Variants in PITPNM3 observed in about 807,000 individuals in gnomAD.
PITPNM3 encodes the protein membrane-associated phosphatidylinositol transfer protein 3.
In PITPNM3, 26 loss-of-function variants were observed where a neutral mutation model predicts 102.0. The observed-to-expected ratio is 0.25, with a 90% CI of 0.19 to 0.35. The LOEUF (loss-of-function observed/expected upper bound fraction) is 0.35, where lower values mean the gene tolerates loss of function less well. PITPNM3 is among the 10% of genes least tolerant of loss of function. The pLI, the probability that PITPNM3 is intolerant of heterozygous loss-of-function variation, is 1.00. For missense variants in PITPNM3, 1,083 were observed against 1,346.1 expected (o/e 0.80, Z 3.06); for synonymous variants, 578 against 558.6 (o/e 1.03, Z -0.49).
chr17:6,539,922 C>T (rs1317816054), intron 1 of PITPNM3, among the ~76,000 whole-genome samples: 5 of 152,288 alleles, frequency 3.3e-5, no homozygotes, highest in Admixed American at 6.5e-5. Flanking sequence ...TAAGTAGCAA[C>T]AAAGTCAGCT....
At chr17:6,547,123 C>T (rs561218513) in intron 1 of PITPNM3, among the ~76,000 whole-genome samples, 3 of 152,248 alleles carry the variant, frequency 2.0e-5, no homozygotes, top group South Asian at 2.1e-4. Flanking sequence ...AAAGGACTCA[C>T]GATTCTTGTT....
In PITPNM3 at chr17:6,495,482, G is replaced by A. The variant is rs1011772836; in HGVS notation, c.274+8045C>T. Among the ~76,000 whole-genome samples, 5 of 152,094 alleles carry A rather than the reference G, an allele frequency of 3.3e-5. No individual in the cohort carries two copies. The East Asian group carries it at 5.8e-4, about 18-fold the overall frequency. ...GGGTGGAGGAGAGAGTCTTCTATAC[G>A]GGTCCCTTCGCAACTCCAGGAAGAT... On this transcript the variant is annotated intron_variant, in intron 4 of 19. Transcript: ENST00000262483.
intron 9 of PITPNM3, 95 bp from the exon 10 acceptor site, chr17:6,474,699 G>A: frequency 7.1e-7 from 1 of 1,408,678 alleles, no homozygotes; most frequent in Non-Finnish European, 9.6e-7. Context: ...TTCTGAGCGT[G>A]AAGTGCCCAA....
intron 2 of PITPNM3, among the ~76,000 whole-genome samples, chr17:6,536,986 G>A (rs1909470430): frequency 6.6e-6 from 1 of 152,116 alleles, no homozygotes; most frequent in African/African-American, 2.4e-5. Context: ...ATTCCAGACC[G>A]ATTCTACCTT....
intron 3 of PITPNM3, among the ~76,000 whole-genome samples, chr17:6,512,658 G>A (rs1907933992): frequency 6.6e-6 from 1 of 152,170 alleles, no homozygotes; most frequent in East Asian, 1.9e-4. Flanking sequence ...TGAGAAGCGT[G>A]TATTGAGATA....
intron 1 of PITPNM3, among the ~76,000 whole-genome samples, chr17:6,543,981 G>A (rs114780001): frequency 0.011 from 1,696 of 152,294 alleles, 38 homozygotes; most frequent in African/African-American, 0.038. Flanking sequence ...GGAGCATCGG[G>A]GCAAAGGAGG....
At chr17:6,525,484 G>A in intron 2 of PITPNM3, 21 bp from the exon 3 acceptor site, 1 of 1,591,670 alleles carries the variant, frequency 6.3e-7, no homozygotes, top group Non-Finnish European at 8.6e-7. Context: ...AAGCAGCGGT[G>A]AGCAGAAGCA....
chr17:6,524,802 T>A (rs1908731764), intron 3 of PITPNM3, among the ~76,000 whole-genome samples: 2 of 152,178 alleles, frequency 1.3e-5, no homozygotes, highest in Non-Finnish European at 2.9e-5. Context: ...GCCAAACAGA[T>A]GGATAGATGG....
intron 4 of PITPNM3, among the ~76,000 whole-genome samples, chr17:6,496,310 T>A (rs938919230): frequency 3.9e-5 from 6 of 152,128 alleles, no homozygotes; most frequent in African/African-American, 1.4e-4. Flanking sequence ...TCCAGGCTTC[T>A]CTTATCCTGA....
chr17:6,525,570 G>A, intron 2 of PITPNM3, 107 bp from the exon 3 acceptor site: 1 of 816,558 alleles, frequency 1.2e-6, no homozygotes, highest in Non-Finnish European at 2.1e-6. Context: ...TTTCTTCCTT[G>A]AGTTGAGGTA....
In PITPNM3 at chr17:6,468,031, T is replaced by C. The variant is rs774195897; in HGVS notation, c.1890+194A>G. The stretch of plus-strand genomic sequence containing the variant: ...TCAGGGCTCCTGTGGAACCAGGCCA[T>C]GGGAAGCAACTCACACACCCTTGCA... On this transcript the variant is annotated intron_variant, in intron 14 of 19. Coordinates refer to ENST00000262483, the MANE Select transcript of PITPNM3 (RefSeq NM_031220.4). This position sits in a 1 kb window ranked among gnomAD's most constrained non-coding sequence, Gnocchi z 5.2. 1.6e-4 allele frequency among the ~76,000 whole-genome samples: 24 copies of C among 152,276 alleles called. No homozygotes were observed. The highest frequency in any genetic ancestry group is 3.4e-4 in the Non-Finnish European group (23 of 68,020).
rs778906391 is a variant in PITPNM3, at chr17:6,477,171, T to C, written c.943A>G (p.Ser315Gly). 1.4e-5 allele frequency: 22 copies of C among 1,614,092 alleles called. No individual in the cohort carries two copies. The Admixed American group carries it at 3.0e-4, about 22-fold the overall frequency. Residue 315 changes from serine (S) to glycine (G), a missense_variant, in exon 9 of 20, where the codon AGC becomes GGC. Transcript: ENST00000262483. ...AVEEDCSLAS[S>G]KRLSKSNIDI... The stretch of plus-strand genomic sequence containing the variant: ...ATGTTGCTTTTGCTGAGACGCTTGC[T>C]GCTGGCCAGGCTGCAATCTTCCTCC...
intron 4 of PITPNM3, among the ~76,000 whole-genome samples, chr17:6,498,459 G>A (rs1164030342): frequency 2.6e-5 from 4 of 152,252 alleles, no homozygotes; most frequent in Non-Finnish European, 5.9e-5. Flanking sequence ...AGCAGGGGCT[G>A]TGAGAACCAG....
chr17:6,533,865 C>G (rs990946501), intron 2 of PITPNM3, among the ~76,000 whole-genome samples: 2 of 152,158 alleles, frequency 1.3e-5, no homozygotes, highest in African/African-American at 4.8e-5. Context: ...CTCCTGTATC[C>G]CCCACACCCA....
chr17:6,461,693 AC>A, intron 17 of PITPNM3, 137 bp from the exon 18 acceptor site: 1 of 1,005,228 alleles, frequency 9.9e-7, no homozygotes, highest in Non-Finnish European at 1.5e-6. Context: ...AACAAGGGGG[AC>A]CCCGAATCCC....
intron 10 of PITPNM3, among the ~76,000 whole-genome samples, chr17:6,474,057 GGTGGTGAGACCAACCTGGCAGTCGTATCT>G (rs1378969630): frequency 6.6e-6 from 1 of 151,974 alleles, no homozygotes; most frequent in Non-Finnish European, 1.5e-5. Flanking sequence ...TGCGGGGGTG[GGTGGTGAGACCAACCTGGCAGTCGTATCT>G]GCCTCAGTAC....
rs1261216077 is a variant in PITPNM3 at position 6,459,305 on chromosome 17, G to T, written c.2491-1583C>A. Among the ~76,000 whole-genome samples the T allele has an allele frequency of 6.6e-6, 1 of 152,046 alleles. No individual in the cohort carries two copies. The highest frequency in any genetic ancestry group is 1.5e-5 in the Non-Finnish European group (1 of 68,020). ...AGCATCCCACACCCTCGGCAAAAGGGGCGCTATCTCCTTGAAGCCCTCTCC... is the reference window on the plus strand; with the variant it reads ...AGCATCCCACACCCTCGGCAAAAGGTGCGCTATCTCCTTGAAGCCCTCTCC... On this transcript the variant is annotated intron_variant, in intron 18 of 19. Transcript: ENST00000262483. The surrounding 1 kb of genome is among the most constrained non-coding windows in gnomAD (Gnocchi z 5.0).
chr17:6,521,953 C>T (rs545684608), intron 3 of PITPNM3, among the ~76,000 whole-genome samples: 9 of 152,216 alleles, frequency 5.9e-5, no homozygotes, highest in African/African-American at 1.4e-4. Flanking sequence ...ACCTTCTTTG[C>T]GGAAGCGGCA....
intron 4 of PITPNM3, among the ~76,000 whole-genome samples, chr17:6,494,249 A>C (rs1394633024): frequency 6.6e-6 from 1 of 152,182 alleles, no homozygotes; most frequent in Non-Finnish European, 1.5e-5. Context: ...CATCGTCCTG[A>C]AGGAGGGGAG....
Sources: gnomAD v4.1 joint callset for allele counts (sites outside exome capture counted in the v4.1 genomes callset) on GRCh38, gnomAD v4.1.1 for gene constraint, Gnocchi (gnomAD v3.1) non-coding constraint, MANE v1.5 for transcripts, NCBI Gene and HGNC (gene_info 2026-07-23, HGNC 2026-07-21) for gene names.